Variants in CLIP1 observed in about 807,000 individuals in gnomAD.
CLIP1 encodes CAP-Gly domain-containing linker protein 1.
A neutral mutation model predicts 161.6 loss-of-function variants in CLIP1; 66 were observed. The ratio of observed to expected loss-of-function variants is 0.41; its 90% CI spans 0.33 to 0.50. CLIP1 has a LOEUF of 0.50. Among genes scored for constraint, CLIP1 ranks in the 20% least tolerant of loss-of-function variants. The pLI is 0.27. For missense variants in CLIP1, 1,376 were observed against 1,702.0 expected, an observed-to-expected ratio of 0.81 and a Z score of 3.37; for synonymous variants, 598 against 626.2, an observed-to-expected ratio of 0.96 and a Z score of 0.67.
At chr12:122,396,933 ATTTTTTTT>A (rs34381270) in intron 1 of CLIP1, among the ~76,000 whole-genome samples, 14 of 75,064 alleles carry the variant, frequency 1.9e-4, no homozygotes, top group Non-Finnish European at 2.8e-4. Flanking sequence ...CACCCGGCAA[ATTTTTTTT>A]TTTTTTTTTT....
At chr12:122,365,685 A>AG in intron 3 of CLIP1, 1 of 675,616 alleles carries the variant, frequency 1.5e-6, no homozygotes, top group Non-Finnish European at 2.6e-6. Context: ...TTTAAAAAAA[A>AG]AAAAAAAGAA....
intron 15 of CLIP1, among the ~76,000 whole-genome samples, chr12:122,328,828 G>A (rs1471319654): frequency 6.6e-6 from 1 of 152,170 alleles, no homozygotes; most frequent in African/African-American, 2.4e-5. Context: ...TGATTCGCCT[G>A]CCTCGGCCTC....
chr12:122,380,681 G>GGAACCTAGAA (rs1207083139), intron 1 of CLIP1, 123 bp from the exon 2 acceptor site: 15 of 346,318 alleles, frequency 4.3e-5, no homozygotes, highest in Non-Finnish European at 6.3e-5. Context: ...GCTGAACCTA[G>GGAACCTAGAA]GAACCTAGAA....
chr12:122,370,270 G>A (rs1390450650), intron 3 of CLIP1, among the ~76,000 whole-genome samples: 1 of 152,012 alleles, frequency 6.6e-6, no homozygotes, highest in African/African-American at 2.4e-5. Context: ...CGGGAGGGTG[G>A]GCAGGGTCCA....
At chr12:122,290,416 AAG>A (rs1484592526) in intron 20 of CLIP1, among the ~76,000 whole-genome samples, 3 of 152,162 alleles carry the variant, frequency 2.0e-5, no homozygotes, top group Non-Finnish European at 4.4e-5. Context: ...TGAAATGAGA[AAG>A]AGAACATCTG....
chr12:122,410,235 G>A (rs1419206821), intron 1 of CLIP1, among the ~76,000 whole-genome samples: 1 of 151,986 alleles, frequency 6.6e-6, no homozygotes, highest in African/African-American at 2.4e-5. Flanking sequence ...CAGGACACAT[G>A]ACTGTTTTAC....
Position 122,355,039 on chromosome 12 carries a change from A to C in CLIP1, c.1203+76T>G. ...TCTCAAGTCTAGCTCCTCGGTGCCA[A>C]GCACCGGGCATGCTTCTCGGCTCCT... On this transcript the variant is annotated intron_variant, in intron 6 of 25. Transcript: ENST00000620786. This position sits in a 1 kb window ranked among gnomAD's most constrained non-coding sequence, Gnocchi z 4.1. The C allele has an allele frequency of 7.6e-7, 1 of 1,320,444 alleles. No homozygotes were observed. Among genetic ancestry groups the C allele is most frequent in the South Asian group, 1.3e-5 (1 of 77,516 alleles). The allele number at this position is 1,320,444 out of a possible 1,614,324, so 81.8% of individuals were successfully genotyped here.
chr12:122,381,651 C>T (rs542152224), intron 1 of CLIP1, among the ~76,000 whole-genome samples: 115 of 152,262 alleles, frequency 7.6e-4, no homozygotes, highest in African/African-American at 7.2e-5. Context: ...TTTTTCTCTG[C>T]GAGCAGAGCT....
chr12:122,397,272 AC>A (rs1185991468), intron 1 of CLIP1, among the ~76,000 whole-genome samples: 2 of 151,712 alleles, frequency 1.3e-5, no homozygotes, highest in African/African-American at 4.8e-5. Context: ...AAGCCCAGCA[AC>A]CTCGAAAGCA....
intron 1 of CLIP1, among the ~76,000 whole-genome samples, chr12:122,413,623 T>C (rs896003846): frequency 2.0e-5 from 3 of 152,214 alleles, no homozygotes; most frequent in Non-Finnish European, 4.4e-5. Context: ...GCAAAATGTC[T>C]GCCTGTAGTC....
At position 122,291,988 on chromosome 12, in the gene CLIP1, C is replaced by CCATT. The variant is rs575565438; in HGVS notation, c.3595-3451_3595-3448dup. 6.1e-3 allele frequency among the ~76,000 whole-genome samples: 929 copies of CCATT among 152,018 alleles called. 8 individuals carry two copies. Among genetic ancestry groups the CCATT allele is most frequent in the South Asian group, 0.015 (72 of 4,812 alleles). The stretch of plus-strand genomic sequence containing the variant: ...TACCATGAGAAAGGGCTTTCATTTT[C>CCATT]CATTCATTCATTCATTCATTCAAGA... On this transcript the variant is annotated intron_variant, in intron 20 of 25. Transcript: ENST00000620786.
chr12:122,293,022 A>AAAAAAAAAAG (rs1950318636), intron 20 of CLIP1, among the ~76,000 whole-genome samples: 1 of 148,708 alleles, frequency 6.7e-6, no homozygotes, highest in African/African-American at 2.5e-5. Context: ...AAAAAAAAAA[A>AAAAAAAAAAG]GGCAAAGAAA....
At chr12:122,379,433 G>GT (rs1402067519) in intron 2 of CLIP1, among the ~76,000 whole-genome samples, 6 of 151,474 alleles carry the variant, frequency 4.0e-5, no homozygotes, top group Non-Finnish European at 8.8e-5. Context: ...GGGCAACATG[G>GT]TGAAACCCCA....
chr12:122,373,506 A>C (rs1954559748), intron 3 of CLIP1, among the ~76,000 whole-genome samples: 1 of 152,016 alleles, frequency 6.6e-6, no homozygotes, highest in South Asian at 2.1e-4. Flanking sequence ...AGGTGAAAAA[A>C]AGCACCAGTA....
At chr12:122,410,400 G>A (rs1481448695) in intron 1 of CLIP1, among the ~76,000 whole-genome samples, 2 of 4,550 alleles carry the variant, frequency 4.4e-4, no homozygotes, top group African/African-American at 1.0e-3. Flanking sequence ...CCTTTGTAAA[G>A]TTATATTTAT....
At chr12:122,305,019 G>A (rs1950816887) in intron 20 of CLIP1, among the ~76,000 whole-genome samples, 1 of 152,118 alleles carries the variant, frequency 6.6e-6, no homozygotes, top group Non-Finnish European at 1.5e-5. Context: ...TATAACCTCT[G>A]TCAGGAAAAA....
intron 5 of CLIP1, chr12:122,356,059 G>A (rs143357543): frequency 3.9e-5 from 6 of 152,236 alleles, no homozygotes; most frequent in East Asian, 3.9e-4. Context: ...TTAATAACTC[G>A]GCAACTTGAG....
intron 20 of CLIP1, among the ~76,000 whole-genome samples, chr12:122,294,999 T>C (rs1236201936): frequency 6.7e-6 from 1 of 150,330 alleles, no homozygotes; most frequent in Non-Finnish European, 1.5e-5. Context: ...GAGGTTTCAG[T>C]GAGCCAAGAT....
Position 122,273,033 on chromosome 12 carries a change from G to A in CLIP1, c.4159C>T (p.Leu1387Phe), listed in dbSNP as rs1327007342. The change falls in exon 26 of 26, where the codon CTC becomes TTC. Residue 1387 changes from leucine (L) to phenylalanine (F), a missense_variant. Physicochemically the swap from Leu to Phe is conservative, Grantham distance 22 (BLOSUM62 0). This residue lies in a region of CLIP1 where 948 missense variants were observed against 1,134.8 expected (regional missense o/e 0.84). Transcript: ENST00000620786. ...LFCDICDCFD[L>F]HDTEDCPTQA... ...GTAGGACAATCCTCTGTGTCGTGGA[G>A]ATCAAAGCAGTCACAAATGTCACAG... is the stretch of plus-strand genomic sequence containing the variant. 6.2e-7 allele frequency: 1 copy of A among 1,614,210 alleles called. No homozygotes were observed. The highest frequency in any genetic ancestry group is 2.2e-5 in the East Asian group (1 of 44,886).
Sources: gnomAD v4.1 joint callset for allele counts (sites outside exome capture counted in the v4.1 genomes callset) on GRCh38, gnomAD v4.1.1 for gene constraint, gnomAD v4.1.1 regional missense constraint, Gnocchi (gnomAD v3.1) non-coding constraint, MANE v1.5 for transcripts, NCBI Gene and HGNC (gene_info 2026-07-23, HGNC 2026-07-21) for gene names.